SLC35D4: variants seen among roughly 807,000 people sequenced by gnomAD.
SLC35D4 encodes the protein UDP-N-acetylglucosamine transporter SLC35D4.
chr18:23,416,581 T>C, the SLC35D4 span, among the ~76,000 whole-genome samples: 2 of 152,110 alleles, frequency 1.3e-5, no homozygotes, highest in Non-Finnish European at 2.9e-5. Context: ...GCTAAACATC[T>C]GGTAACGCTC....
the SLC35D4 span, among the ~76,000 whole-genome samples, chr18:23,267,113 C>T: frequency 6.6e-6 from 1 of 152,232 alleles, no homozygotes; most frequent in African/African-American, 2.4e-5. Context: ...ACAGTGAGAG[C>T]TCTAAACCAG....
At chr18:23,249,247 CTG>C in the SLC35D4 span, among the ~76,000 whole-genome samples, 2 of 152,214 alleles carry the variant, frequency 1.3e-5, no homozygotes, top group Non-Finnish European at 2.9e-5. Flanking sequence ...GGAAGTGTAA[CTG>C]TTAGCTTTCC....
chr18:23,293,198 C>A, the SLC35D4 span, among the ~76,000 whole-genome samples: 12,153 of 152,148 alleles, frequency 0.08, 615 homozygotes, highest in Middle Eastern at 0.19. Flanking sequence ...GAGCCGAGAT[C>A]GCGCCATTGC....
At chr18:23,403,623 C>T in the SLC35D4 span, among the ~76,000 whole-genome samples, 4 of 152,108 alleles carry the variant, frequency 2.6e-5, no homozygotes, top group Non-Finnish European at 4.4e-5. Flanking sequence ...GGCTGTAGTA[C>T]GGAGAACACG....
At chr18:23,282,782 C>A in the SLC35D4 span, among the ~76,000 whole-genome samples, 4 of 152,116 alleles carry the variant, frequency 2.6e-5, no homozygotes, top group Non-Finnish European at 5.9e-5. Flanking sequence ...CTTAGAAATG[C>A]AGAATGCATG....
chr18:23,354,899 T>TTTCA, the SLC35D4 span, among the ~76,000 whole-genome samples: 43,870 of 151,878 alleles, frequency 0.29, 7,758 homozygotes, highest in Non-Finnish European at 0.39. Flanking sequence ...CTCCTTGCAC[T>TTTCA]TTCAGCCCAT....
At chr18:23,338,203 C>A in the SLC35D4 span, among the ~76,000 whole-genome samples, 2 of 152,184 alleles carry the variant, frequency 1.3e-5, no homozygotes, top group African/African-American at 4.8e-5. Flanking sequence ...GTGAATGATG[C>A]ATCAATTGCT....
At chr18:23,431,163 AAAAAAAAAAAAAAAAGTAAAG>A in the SLC35D4 span, among the ~76,000 whole-genome samples, 1 of 142,466 alleles carries the variant, frequency 7.0e-6, no homozygotes, top group Non-Finnish European at 1.6e-5. Flanking sequence ...CAAAAAAAAA[AAAAAAAAAAAAAAAAGTAAAG>A]AAAAAGAAAA....
chr18:23,301,126 T>C, the SLC35D4 span, among the ~76,000 whole-genome samples: 2 of 152,238 alleles, frequency 1.3e-5, no homozygotes, highest in Non-Finnish European at 2.9e-5. Flanking sequence ...AAAAATAATT[T>C]GGTCCTAAAC....
chr18:23,344,101 C>T, the SLC35D4 span, among the ~76,000 whole-genome samples: 3 of 152,220 alleles, frequency 2.0e-5, no homozygotes, highest in East Asian at 5.8e-4. Flanking sequence ...AGGCTGGTCT[C>T]AAACTCCTGA....
At chr18:23,433,503 C>G in the SLC35D4 span, among the ~76,000 whole-genome samples, 1 of 152,298 alleles carries the variant, frequency 6.6e-6, no homozygotes, top group East Asian at 1.9e-4. Context: ...GGAAGAAGGA[C>G]AGCTGGCTGC....
the SLC35D4 span, among the ~76,000 whole-genome samples, chr18:23,349,344 G>T: frequency 6.6e-6 from 1 of 152,154 alleles, no homozygotes; most frequent in African/African-American, 2.4e-5. Flanking sequence ...AAAAAAACCT[G>T]TTTTTTGGCC....
chr18:23,324,761 C>T, the SLC35D4 span, among the ~76,000 whole-genome samples: 443 of 152,160 alleles, frequency 2.9e-3, 3 homozygotes, highest in Non-Finnish European at 4.3e-3. Flanking sequence ...GGGCAGTCTA[C>T]GGAGGGGGAA....
the SLC35D4 span, among the ~76,000 whole-genome samples, chr18:23,273,372 G>A: frequency 2.0e-5 from 3 of 152,222 alleles, no homozygotes; most frequent in African/African-American, 4.8e-5. Flanking sequence ...GACGGTGAAT[G>A]AGCTCACCTG....
the SLC35D4 span, among the ~76,000 whole-genome samples, chr18:23,326,650 G>C: frequency 6.6e-6 from 1 of 152,206 alleles, no homozygotes; most frequent in South Asian, 2.1e-4. Context: ...CAACAAGACA[G>C]AAGGTTAACA....
the SLC35D4 span, among the ~76,000 whole-genome samples, chr18:23,305,085 T>A: frequency 6.6e-6 from 1 of 152,236 alleles, no homozygotes; most frequent in East Asian, 1.9e-4. Flanking sequence ...TAAAGATGTT[T>A]AACTGATTGA....
chr18:23,309,854 G>A, the SLC35D4 span: 1 of 1,046,726 alleles, frequency 9.6e-7, no homozygotes, highest in Admixed American at 1.8e-5. Flanking sequence ...CCTGCCATCA[G>A]GCACTTCGTT....
chr18:23,283,486 A>G, the SLC35D4 span, among the ~76,000 whole-genome samples: 1 of 150,328 alleles, frequency 6.7e-6, no homozygotes, highest in African/African-American at 2.5e-5. Flanking sequence ...AAAAAAAAAA[A>G]AAAAAAAGAA....
At chr18:23,391,365 T>C in the SLC35D4 span, among the ~76,000 whole-genome samples, 1 of 152,174 alleles carries the variant, frequency 6.6e-6, no homozygotes, top group Non-Finnish European at 1.5e-5. Context: ...CAGTGCTGTG[T>C]CATCATTCTG....
Sources: gnomAD v4.1 joint callset for allele counts (sites outside exome capture counted in the v4.1 genomes callset) on GRCh38, gnomAD v4.1.1 for gene constraint, MANE v1.5 for transcripts, NCBI Gene and HGNC (gene_info 2026-07-23, HGNC 2026-07-21) for gene names.